Variants in FUT8 observed in about 807,000 individuals in gnomAD.
The protein encoded by FUT8 is alpha-(1,6)-fucosyltransferase.
In FUT8, 29 loss-of-function variants were observed where a neutral mutation model predicts 71.3. That is an observed-to-expected ratio of 0.41 (90% CI 0.30 to 0.55). FUT8 has a LOEUF of 0.55. FUT8 is among the 20% of genes least tolerant of loss of function. The pLI is 0.34. For missense variants in FUT8, 544 were observed against 702.1 expected (o/e 0.77, Z 2.55); for synonymous variants, 254 against 239.3 (o/e 1.06, Z -0.57).
intron 7 of FUT8, among the ~76,000 whole-genome samples, chr14:65,682,949 TCA>T (rs780417955): frequency 3.9e-5 from 6 of 152,196 alleles, no homozygotes; most frequent in Non-Finnish European, 7.3e-5. Context: ...CATTTTGTAT[TCA>T]GTCTTAGCTG....
intron 7 of FUT8, among the ~76,000 whole-genome samples, chr14:65,698,055 C>T (rs576829375): frequency 6.6e-6 from 1 of 151,682 alleles, no homozygotes; most frequent in African/African-American, 2.4e-5. Context: ...TTTGTAACTT[C>T]TGTTATTATA....
At chr14:65,571,116 G>A (rs1211002451) in intron 3 of FUT8, among the ~76,000 whole-genome samples, 5 of 152,012 alleles carry the variant, frequency 3.3e-5, no homozygotes, top group South Asian at 2.1e-4. Flanking sequence ...TTCGTGAATC[G>A]TTCATTGCTC....
At chr14:65,568,858 C>T (rs905815730) in intron 3 of FUT8, among the ~76,000 whole-genome samples, 1 of 151,488 alleles carries the variant, frequency 6.6e-6, no homozygotes, top group Admixed American at 6.6e-5. Context: ...TTCTTTACTC[C>T]TTCCTGTTAT....
At chr14:65,367,588 C>T in the FUT8 span, among the ~76,000 whole-genome samples, 1 of 152,108 alleles carries the variant, frequency 6.6e-6, no homozygotes, top group Admixed American at 6.5e-5. Flanking sequence ...TTCTGAAGCC[C>T]TCAGGAGGCT....
At chr14:65,506,383 C>T (rs1034070497) in intron 2 of FUT8, among the ~76,000 whole-genome samples, 1 of 152,166 alleles carries the variant, frequency 6.6e-6, no homozygotes, top group Non-Finnish European at 1.5e-5. Flanking sequence ...CTAAGATTTT[C>T]TAAGTAAACT....
intron 3 of FUT8, among the ~76,000 whole-genome samples, chr14:65,595,590 C>G (rs1887921723): frequency 6.9e-6 from 1 of 145,014 alleles, no homozygotes. Context: ...GATTTATCTT[C>G]TACACCATTC....
Position 65,650,158 on chromosome 14 carries a change from G to T in FUT8, c.598-19085G>T, listed in dbSNP as rs539451082. On this transcript the variant is annotated intron_variant, in intron 6 of 10. Coordinates refer to ENST00000673929, the MANE Select transcript of FUT8 (RefSeq NM_001371533.1). ...AAAAATACAAAAAAAAATTAGCCGG[G>T]CGTGGTGGCACGCGCCTGTAATCCC... Among the ~76,000 whole-genome samples, 13 of 152,022 alleles carry T rather than the reference G, an allele frequency of 8.6e-5. No homozygotes were observed. In the East Asian group the frequency reaches 2.5e-3, roughly 29 times the overall value.
intron 2 of FUT8, among the ~76,000 whole-genome samples, chr14:65,545,132 A>G (rs1884914315): frequency 6.6e-6 from 1 of 152,022 alleles, no homozygotes; most frequent in Non-Finnish European, 1.5e-5. Flanking sequence ...AATTTATAAT[A>G]CTATTTTTAC....
the FUT8 span, among the ~76,000 whole-genome samples, chr14:65,370,530 C>T: frequency 6.6e-6 from 1 of 150,866 alleles, no homozygotes; most frequent in African/African-American, 2.4e-5. Flanking sequence ...TTTTAAAACA[C>T]ATTGGCCCAT....
chr14:65,641,753 GT>G (rs34026328), intron 6 of FUT8, among the ~76,000 whole-genome samples: 95,522 of 140,458 alleles, frequency 0.68, 33,127 homozygotes, highest in East Asian at 0.86. Context: ...TGTGTATGTG[GT>G]TTTTTTTTTT....
chr14:65,716,539 C>T (rs1035646567), intron 7 of FUT8, among the ~76,000 whole-genome samples: 71 of 151,854 alleles, frequency 4.7e-4, no homozygotes, highest in African/African-American at 1.6e-3. Context: ...AGAGAGCACA[C>T]GGTTGGGGGT....
chr14:65,451,255 G>T (rs1267428171), intron 1 of FUT8, among the ~76,000 whole-genome samples: 1 of 152,228 alleles, frequency 6.6e-6, no homozygotes. Flanking sequence ...CTGCTTTGGC[G>T]CCAGAGGGCT....
intron 2 of FUT8, chr14:65,529,679 G>A (rs988923918): frequency 1.3e-5 from 2 of 152,504 alleles, no homozygotes; most frequent in African/African-American, 4.8e-5. Flanking sequence ...AGTCCCAGGA[G>A]GCTTGGTCAC....
chr14:65,557,068 A>T (rs1053214608), intron 2 of FUT8, among the ~76,000 whole-genome samples: 1 of 152,200 alleles, frequency 6.6e-6, no homozygotes, highest in Non-Finnish European at 1.5e-5. Flanking sequence ...CATTATGATA[A>T]GTGGTTTATA....
Position 65,741,470 on chromosome 14 carries a change from G to A in FUT8, c.1411-623G>A, listed in dbSNP as rs373081916. Among the ~76,000 whole-genome samples, 13 of 151,992 alleles carry A rather than the reference G, an allele frequency of 8.6e-5. No individual in the cohort carries two copies. The East Asian group carries it at 1.4e-3, about 16-fold the overall frequency. On this transcript the variant is annotated intron_variant, in intron 10 of 10. Coordinates refer to ENST00000673929, the MANE Select transcript of FUT8 (RefSeq NM_001371533.1). Reference sequence around the variant, plus strand: ...TTTGGAGATATACCTAATGTTAAATGACGAGTTACTGGGTGCAGCACACCA... The same window carrying A: ...TTTGGAGATATACCTAATGTTAAATAACGAGTTACTGGGTGCAGCACACCA...
chr14:65,717,622 C>T (rs1341431288), intron 7 of FUT8, among the ~76,000 whole-genome samples: 46 of 103,478 alleles, frequency 4.4e-4, no homozygotes, highest in Admixed American at 4.8e-4. Context: ...GAGGCGCTCC[C>T]CACTTCCCAG....
At chr14:65,617,107 C>CTG in intron 5 of FUT8, 1 of 1,595,548 alleles carries the variant, frequency 6.3e-7, no homozygotes, top group Non-Finnish European at 8.5e-7. Context: ...ATGGCAATTA[C>CTG]TGTCTCATTA....
chr14:65,465,564 G>A (rs558569026), intron 2 of FUT8, among the ~76,000 whole-genome samples: 1 of 152,344 alleles, frequency 6.6e-6, no homozygotes, highest in East Asian at 1.9e-4. Context: ...TTATTTGTAA[G>A]TGAGCTGTTT....
intron 7 of FUT8, among the ~76,000 whole-genome samples, chr14:65,692,621 C>A (rs1301916060): frequency 1.3e-5 from 2 of 151,550 alleles, no homozygotes; most frequent in Non-Finnish European, 3.0e-5. Context: ...CCCCCACCCC[C>A]CTCCCAGACG....
Sources: gnomAD v4.1 joint callset for allele counts (sites outside exome capture counted in the v4.1 genomes callset) on GRCh38, gnomAD v4.1.1 for gene constraint, MANE v1.5 for transcripts, NCBI Gene and HGNC (gene_info 2026-07-23, HGNC 2026-07-21) for gene names.